RPS6KA1: variants seen among roughly 807,000 people sequenced by gnomAD.
RPS6KA1 encodes ribosomal protein S6 kinase A1, also known as ribosomal protein S6 kinase alpha-1.
A neutral mutation model predicts 91.3 loss-of-function variants in RPS6KA1; 48 were observed. The observed-to-expected ratio is 0.53, with a 90% CI of 0.42 to 0.67. The LOEUF is 0.67. RPS6KA1 is among the 30% of genes least tolerant of loss of function. The pLI is 0.00. For synonymous variants in RPS6KA1, 359 were observed against 384.7 expected (o/e 0.93, Z 0.78); for missense variants, 719 against 960.5 (o/e 0.75, Z 3.32).
In RPS6KA1 at chr1:26,554,311, G is replaced by C. The variant is rs1388891224; in HGVS notation, c.613+60G>C. 2.0e-6 allele frequency: 3 copies of C among 1,510,314 alleles called. No homozygotes were observed. The Admixed American group carries it at 6.1e-5, about 31-fold the overall frequency. The allele number at this position is 1,510,314 out of a possible 1,614,324, so 93.6% of individuals were successfully genotyped here. On this transcript the variant is annotated intron_variant, in intron 8 of 21. Coordinates refer to ENST00000374168, the MANE Select transcript of RPS6KA1 (RefSeq NM_002953.4). The surrounding 1 kb of genome is among the most constrained non-coding windows in gnomAD (Gnocchi z 4.6). ...GGGAGGACAGGACAAGGTCATGATA[G>C]GTCTCGGCTGAGTGCTGGGGGCTCA...
At chr1:26,552,235 A>G (rs1220505228) in intron 6 of RPS6KA1, among the ~76,000 whole-genome samples, 1 of 151,888 alleles carries the variant, frequency 6.6e-6, no homozygotes, top group Admixed American at 6.6e-5. Flanking sequence ...TAAAAATACA[A>G]AAATTAGCTG....
At chr1:26,545,322 C>A (rs12065597) in intron 2 of RPS6KA1, among the ~76,000 whole-genome samples, 3,612 of 139,310 alleles carry the variant, frequency 0.026, 156 homozygotes, top group African/African-American at 0.09. Flanking sequence ...GAGCTGACCA[C>A]CACGCCTGGC....
intron 4 of RPS6KA1, among the ~76,000 whole-genome samples, chr1:26,548,942 A>G (rs4443935): frequency 0.76 from 115,547 of 151,434 alleles, 44,582 homozygotes; most frequent in African/African-American, 0.88. Flanking sequence ...GTGCTGACAT[A>G]GAAGGTGTGT....
Position 26,555,261 on chromosome 1 carries a change from AAGCCCC to A in RPS6KA1, c.827+49_827+54del. Reference sequence around the variant, plus strand: ...TGCCCTGATAACAATGGACTCCTCCAAGCCCCAGCCCCAGTTTGGGGGTCAGAATAT... The same window carrying A: ...TGCCCTGATAACAATGGACTCCTCCAAGCCCCAGTTTGGGGGTCAGAATAT... On this transcript the variant is annotated intron_variant, in intron 10 of 21. Coordinates refer to ENST00000374168, the MANE Select transcript of RPS6KA1 (RefSeq NM_002953.4). The surrounding 1 kb of genome is among the most constrained non-coding windows in gnomAD (Gnocchi z 4.3). The A allele has an allele frequency of 1.9e-6, 3 of 1,597,418 alleles. No homozygotes were observed. Among genetic ancestry groups the A allele is most frequent in the Non-Finnish European group, 1.7e-6 (2 of 1,165,170 alleles).
intron 1 of RPS6KA1, among the ~76,000 whole-genome samples, chr1:26,534,058 C>CCAG (rs1453149779): frequency 6.6e-6 from 1 of 152,170 alleles, no homozygotes; most frequent in African/African-American, 2.4e-5. Context: ...CCTAAGTCAT[C>CCAG]CAGGCCACTG....
intron 1 of RPS6KA1, among the ~76,000 whole-genome samples, chr1:26,530,451 A>G (rs1397397509): frequency 2.0e-5 from 3 of 151,980 alleles, no homozygotes. Flanking sequence ...GCTCCTCTTG[A>G]CCCCTGGCGG....
intron 17 of RPS6KA1, among the ~76,000 whole-genome samples, chr1:26,563,365 C>T (rs2076171297): frequency 6.6e-6 from 1 of 151,636 alleles, no homozygotes; most frequent in African/African-American, 2.4e-5. Flanking sequence ...ATAGCGGGGA[C>T]CACAGGCACG....
intron 1 of RPS6KA1, among the ~76,000 whole-genome samples, chr1:26,531,969 T>C (rs1055486252): frequency 1.3e-5 from 2 of 152,076 alleles, no homozygotes; most frequent in Non-Finnish European, 2.9e-5. Context: ...CCAGGTGACA[T>C]GTAAGCGATA....
In RPS6KA1 at chr1:26,561,110, C is replaced by T. The variant is rs1220764980; in HGVS notation, c.1407C>T (p.His469=). Residue 469 remains histidine (H), a synonymous_variant, in exon 16 of 22, where the codon CAC becomes CAT. Transcript: ENST00000374168. This position sits in a 1 kb window ranked among gnomAD's most constrained non-coding sequence, Gnocchi z 5.7. Reference sequence around the variant, plus strand: ...AGATTCTTCTGCGGTATGGCCAGCACCCCAACATCATCACTCTGAAAGATG... The same window carrying T: ...AGATTCTTCTGCGGTATGGCCAGCATCCCAACATCATCACTCTGAAAGATG... ...EIEILLRYGQ[H]PNIITLKDVY... 3 of 1,613,986 alleles carry T rather than the reference C, an allele frequency of 1.9e-6. No individual in the cohort carries two copies. The highest frequency in any genetic ancestry group is 2.5e-6 in the Non-Finnish European group (3 of 1,179,940).
Position 26,554,056 on chromosome 1 carries a change from C to T in RPS6KA1, c.576-158C>T, listed in dbSNP as rs573439065. The T allele has an allele frequency of 2.2e-4, 147 of 659,274 alleles. 1 individual carries two copies. Among genetic ancestry groups the T allele is most frequent in the Non-Finnish European group, 3.3e-4 (129 of 386,008 alleles). The allele number at this position is 659,274 out of a possible 1,614,324, so 40.8% of individuals were successfully genotyped here. A position where few individuals can be genotyped will look rare whatever the true frequency, so the allele number is the denominator to read the frequency against. ...GCAAAAAAGATAGGCAACACCCCTG[C>T]GTGGTACTGCTACCACCCTGCAACA... On this transcript the variant is annotated intron_variant, in intron 7 of 21. Transcript: ENST00000374168. The surrounding 1 kb of genome is among the most constrained non-coding windows in gnomAD (Gnocchi z 4.6).
chr1:26,556,277 A>C, intron 11 of RPS6KA1: 1 of 275,418 alleles, frequency 3.6e-6, no homozygotes, highest in Non-Finnish European at 7.0e-6. Flanking sequence ...AGCCTGTCCT[A>C]TGGTTGAAAA....
chr1:26,531,857 C>T (rs2075869917), intron 1 of RPS6KA1, among the ~76,000 whole-genome samples: 1 of 152,174 alleles, frequency 6.6e-6, no homozygotes, highest in South Asian at 2.1e-4. Flanking sequence ...CCTGGAGGTG[C>T]CAGGCGACTG....
intron 17 of RPS6KA1, among the ~76,000 whole-genome samples, chr1:26,565,007 A>G (rs1327821772): frequency 6.6e-6 from 1 of 152,248 alleles, no homozygotes; most frequent in African/African-American, 2.4e-5. Flanking sequence ...AGCTGCCTCC[A>G]GAGGCAGTGA....
chr1:26,551,732 A>T lies in RPS6KA1; in HGVS notation c.468+9A>T. The T allele has an allele frequency of 6.2e-7, 1 of 1,612,106 alleles. No individual in the cohort carries two copies. The highest frequency in any genetic ancestry group is 8.5e-7 in the Non-Finnish European group (1 of 1,178,128). On this transcript the variant is annotated intron_variant, in intron 6 of 21. Coordinates refer to ENST00000374168, the MANE Select transcript of RPS6KA1 (RefSeq NM_002953.4). This position sits in a 1 kb window ranked among gnomAD's most constrained non-coding sequence, Gnocchi z 4.5. Reference sequence around the variant, plus strand: ...CCCGGCTCTCAAAAGAGGTGAGCTGACATCTACTGCCAGAGGGCCCCGGGA... The same window carrying T: ...CCCGGCTCTCAAAAGAGGTGAGCTGTCATCTACTGCCAGAGGGCCCCGGGA...
At chr1:26,573,994 A>AG in intron 21 of RPS6KA1, 85 bp from the exon 22 acceptor site, 2 of 1,480,224 alleles carry the variant, frequency 1.4e-6, no homozygotes, top group Non-Finnish European at 1.8e-6. Flanking sequence ...GAACACTGAG[A>AG]GGGGCTGGCC....
At position 26,558,968 on chromosome 1, in the gene RPS6KA1, A is replaced by T. The variant is rs958165848; in HGVS notation, c.1215+31A>T. The T allele has an allele frequency of 1.9e-6, 3 of 1,593,154 alleles. No individual in the cohort carries two copies. The African/African-American group carries it at 4.0e-5, about 21-fold the overall frequency. On this transcript the variant is annotated intron_variant, in intron 14 of 21. Transcript: ENST00000374168. This position sits in a 1 kb window ranked among gnomAD's most constrained non-coding sequence, Gnocchi z 4.0. Reference sequence around the variant, plus strand: ...GGGGGCAGGGGGCTGCTGCTCCATTATCCTTTTCTAAAGAATGGCTGAGTA... The same window carrying T: ...GGGGGCAGGGGGCTGCTGCTCCATTTTCCTTTTCTAAAGAATGGCTGAGTA...
At position 26,558,970 on chromosome 1, in the gene RPS6KA1, C is replaced by T; in HGVS notation, c.1215+33C>T. Reference sequence around the variant, plus strand: ...GGGCAGGGGGCTGCTGCTCCATTATCCTTTTCTAAAGAATGGCTGAGTACA... The same window carrying T: ...GGGCAGGGGGCTGCTGCTCCATTATTCTTTTCTAAAGAATGGCTGAGTACA... On this transcript the variant is annotated intron_variant, in intron 14 of 21. Coordinates refer to ENST00000374168, the MANE Select transcript of RPS6KA1 (RefSeq NM_002953.4). The surrounding 1 kb of genome is among the most constrained non-coding windows in gnomAD (Gnocchi z 4.0). The T allele has an allele frequency of 1.3e-6, 2 of 1,593,032 alleles. No homozygotes were observed. The highest frequency in any genetic ancestry group is 1.3e-5 in the African/African-American group (1 of 74,668).
rs997396202 is a variant in RPS6KA1, at chr1:26,543,068, G to A, written c.109-3799G>A. The A allele has an allele frequency of 1.1e-5, 15 of 1,361,078 alleles. No individual in the cohort carries two copies. In the South Asian group the frequency reaches 1.1e-4, roughly 10 times the overall value. The allele number at this position is 1,361,078 out of a possible 1,614,324, so 84.3% of individuals were successfully genotyped here. A position where few individuals can be genotyped will look rare whatever the true frequency, so the allele number is the denominator to read the frequency against. ...GCAGAGGGGGAAGTGAGAAGGAGGG[G>A]GGCCAGAGACCCTGCCTTCTGGGCC... is the stretch of plus-strand genomic sequence containing the variant. On this transcript the variant is annotated intron_variant, in intron 2 of 21. Transcript: ENST00000374168.
At position 26,551,679 on chromosome 1, in the gene RPS6KA1, G is replaced by T; in HGVS notation, c.424G>T (p.Asp142Tyr). 6.2e-7 allele frequency: 1 copy of T among 1,614,162 alleles called. No homozygotes were observed. Among genetic ancestry groups the T allele is most frequent in the Non-Finnish European group, 8.5e-7 (1 of 1,180,024 alleles). ...CGAGGGCAAGCTCTATCTCATTCTG[G>T]ACTTCCTGCGTGGTGGGGACCTCTT... ...QTEGKLYLIL[D>Y]FLRGGDLFTR... The change falls in exon 6 of 22, where the codon GAC becomes TAC. Residue 142 changes from aspartate (D) to tyrosine (Y), a missense_variant. By Grantham distance (160) the Asp-to-Tyr change is radical. Coordinates refer to ENST00000374168, the MANE Select transcript of RPS6KA1 (RefSeq NM_002953.4). This position sits in a 1 kb window ranked among gnomAD's most constrained non-coding sequence, Gnocchi z 4.5.
Sources: allele counts gnomAD v4.1 joint callset (sites outside exome capture counted in the v4.1 genomes callset), GRCh38; gene constraint gnomAD v4.1.1; non-coding constraint Gnocchi (gnomAD v3.1); transcripts MANE v1.5; gene names NCBI Gene and HGNC (gene_info 2026-07-23, HGNC 2026-07-21).